CAMTA1: variants seen among roughly 807,000 people sequenced by gnomAD.
The protein encoded by CAMTA1 is calmodulin binding transcription activator 1, also known as calmodulin-binding transcription activator 1.
A neutral mutation model predicts 170.9 loss-of-function variants in CAMTA1; 27 were observed. The observed-to-expected ratio is 0.16, with a 90% CI of 0.12 to 0.22. The LOEUF is 0.22. CAMTA1 is among the 10% of genes least tolerant of loss of function. The probability of loss-of-function intolerance (pLI) is 1.00; values close to 1 mark genes in which losing one functional copy is unlikely to be tolerated. For missense variants in CAMTA1, 1,619 were observed against 2,217.2 expected (o/e 0.73, Z 5.42); for synonymous variants, 833 against 891.5 (o/e 0.93, Z 1.17).
At chr1:7,693,798 C>T (rs3124802) in intron 11 of CAMTA1, 140,507 of 152,266 alleles carry the variant, frequency 0.92, 64,939 homozygotes, top group East Asian at 1. Flanking sequence ...GTTTTTATTG[C>T]GGCTCCATCA....
chr1:7,125,457 T>G (rs922332934), intron 4 of CAMTA1, among the ~76,000 whole-genome samples: 2 of 152,102 alleles, frequency 1.3e-5, no homozygotes, highest in African/African-American at 4.8e-5. Flanking sequence ...ACAGACCGTG[T>G]GTTCAAGGTC....
intron 6 of CAMTA1, among the ~76,000 whole-genome samples, chr1:7,607,988 A>G (rs11120986): frequency 0.2 from 29,794 of 152,092 alleles, 3,814 homozygotes; most frequent in African/African-American, 0.36. Flanking sequence ...TCCTTGTGCT[A>G]GTTGCAGGGA....
Position 7,146,994 on chromosome 1 carries a change from G to T in CAMTA1, c.302+55623G>T, listed in dbSNP as rs529427620. 6.6e-6 allele frequency among the ~76,000 whole-genome samples: 1 copy of T among 150,732 alleles called. No individual in the cohort carries two copies. Among genetic ancestry groups the T allele is most frequent in the Non-Finnish European group, 1.5e-5 (1 of 67,678 alleles). On this transcript the variant is annotated intron_variant, in intron 4 of 22. Transcript: ENST00000303635. This position sits in a 1 kb window ranked among gnomAD's most constrained non-coding sequence, Gnocchi z 4.3. ...GCACACACACAGAAAGTTACAGCAC[G>T]CACACACGCACTCAAACATGCACCA...
chr1:7,568,718 C>A (rs1433024030), intron 6 of CAMTA1, among the ~76,000 whole-genome samples: 1 of 149,818 alleles, frequency 6.7e-6, no homozygotes, highest in Non-Finnish European at 1.5e-5. Flanking sequence ...ATCACCACCA[C>A]CATCCAACAT....
intron 6 of CAMTA1, among the ~76,000 whole-genome samples, chr1:7,572,241 C>T (rs1464148016): frequency 2.6e-5 from 4 of 152,164 alleles, no homozygotes; most frequent in Non-Finnish European, 5.9e-5. Context: ...GGATATTAGA[C>T]CTTTGTCAGA....
At chr1:7,210,647 A>G (rs982340750) in intron 4 of CAMTA1, among the ~76,000 whole-genome samples, 10 of 152,292 alleles carry the variant, frequency 6.6e-5, no homozygotes, top group Admixed American at 2.6e-4. Flanking sequence ...TCTTGTCTGA[A>G]TCAATTATTA....
intron 5 of CAMTA1, among the ~76,000 whole-genome samples, chr1:7,363,110 GT>G (rs1399201812): frequency 6.6e-6 from 1 of 152,202 alleles, no homozygotes; most frequent in Admixed American, 6.5e-5. Context: ...AGTTTGAAAC[GT>G]GAGAGAGTGA....
intron 2 of CAMTA1, among the ~76,000 whole-genome samples, chr1:6,821,572 T>G (rs1646490063): frequency 6.6e-6 from 1 of 152,158 alleles, no homozygotes; most frequent in Admixed American, 6.6e-5. Context: ...GTTTGAACAG[T>G]TTGGTCTAGA....
chr1:7,619,993 A>G (rs1017313860), intron 6 of CAMTA1, among the ~76,000 whole-genome samples: 1 of 152,230 alleles, frequency 6.6e-6, no homozygotes, highest in Non-Finnish European at 1.5e-5. Context: ...AGCAATGTAT[A>G]TGTACACAAG....
At chr1:6,932,119 G>T (rs146136321) in intron 3 of CAMTA1, among the ~76,000 whole-genome samples, 214 of 152,282 alleles carry the variant, frequency 1.4e-3, no homozygotes, top group African/African-American at 5.0e-3. Context: ...GCCAAATCAA[G>T]ATAATGAACG....
At chr1:7,182,178 T>C (rs1473198581) in intron 4 of CAMTA1, among the ~76,000 whole-genome samples, 1 of 152,076 alleles carries the variant, frequency 6.6e-6, no homozygotes, top group Non-Finnish European at 1.5e-5. Context: ...AATTAATGCA[T>C]AAGTTCCAGT....
intron 6 of CAMTA1, among the ~76,000 whole-genome samples, chr1:7,553,288 T>C (rs996285152): frequency 2.9e-5 from 4 of 139,716 alleles, no homozygotes; most frequent in Non-Finnish European, 6.3e-5. Context: ...AGTGAATGAA[T>C]GAGTGAATGA....
rs573271650 is a variant in CAMTA1, at chr1:6,825,777, A to T, written c.234+567A>T. Among the ~76,000 whole-genome samples, 7 of 152,346 alleles carry T rather than the reference A, an allele frequency of 4.6e-5. No homozygotes were observed. The East Asian group carries it at 1.4e-3, about 29-fold the overall frequency. On this transcript the variant is annotated intron_variant, in intron 3 of 22. Coordinates refer to ENST00000303635, the MANE Select transcript of CAMTA1 (RefSeq NM_015215.4). Reference sequence around the variant, plus strand: ...TAGATTTATGAAGTAGAATGAAAAAAGTTAATCATCTTGGATGATGTTTCC... The same window carrying T: ...TAGATTTATGAAGTAGAATGAAAAATGTTAATCATCTTGGATGATGTTTCC...
At chr1:6,963,196 A>ACCCGC (rs1422536836) in intron 3 of CAMTA1, among the ~76,000 whole-genome samples, 2 of 106,106 alleles carry the variant, frequency 1.9e-5, no homozygotes, top group African/African-American at 7.2e-5. Context: ...GCTCCTCCTC[A>ACCCGC]CCCGCCCCGC....
At chr1:7,057,343 G>A (rs545448389) in intron 3 of CAMTA1, among the ~76,000 whole-genome samples, 9 of 152,320 alleles carry the variant, frequency 5.9e-5, no homozygotes, top group Middle Eastern at 3.4e-3. Context: ...CACCTGCGTC[G>A]CAGCCAGAAC....
intron 6 of CAMTA1, among the ~76,000 whole-genome samples, chr1:7,550,982 G>A (rs931193457): frequency 2.0e-4 from 31 of 152,180 alleles, no homozygotes; most frequent in African/African-American, 6.5e-4. Flanking sequence ...AAGTACCCCC[G>A]CTTCATTTTA....
chr1:7,548,646 T>C (rs2094743171), intron 6 of CAMTA1, among the ~76,000 whole-genome samples: 1 of 138,254 alleles, frequency 7.2e-6, no homozygotes, highest in African/African-American at 2.8e-5. Flanking sequence ...GAGGTGCTGG[T>C]GGAGGGTGCC....
intron 1 of CAMTA1, among the ~76,000 whole-genome samples, chr1:6,804,734 A>G (rs983202569): frequency 6.6e-6 from 1 of 151,994 alleles, no homozygotes; most frequent in South Asian, 2.1e-4. Context: ...TAAATTTAAT[A>G]TAATAGAGAT....
intron 4 of CAMTA1, among the ~76,000 whole-genome samples, chr1:7,139,125 T>A (rs981047867): frequency 1.8e-5 from 2 of 111,152 alleles, no homozygotes; most frequent in Non-Finnish European, 3.5e-5. Context: ...AAATATATTT[T>A]TATAAATATA....
Sources: gnomAD v4.1 joint callset for allele counts (sites outside exome capture counted in the v4.1 genomes callset) on GRCh38, gnomAD v4.1.1 for gene constraint, Gnocchi (gnomAD v3.1) non-coding constraint, MANE v1.5 for transcripts, NCBI Gene and HGNC (gene_info 2026-07-23, HGNC 2026-07-21) for gene names.